USP8: variants seen among roughly 807,000 people sequenced by gnomAD.
USP8 encodes ubiquitin specific peptidase 8.
USP8 carries 27 observed loss-of-function variants against 130.0 expected under a neutral mutation model. That is an observed-to-expected ratio of 0.21 (90% CI 0.15 to 0.29). The LOEUF is 0.29. Among genes scored for constraint, USP8 ranks in the 10% least tolerant of loss-of-function variants. USP8 has a pLI of 1.00. For synonymous variants in USP8, 392 were observed against 444.1 expected (o/e 0.88, Z 1.48); for missense variants, 1,029 against 1,312.2 (o/e 0.78, Z 3.33).
chr15:50,498,877 T>A, intron 19 of USP8, 26 bp from the exon 20 acceptor site: 1 of 1,567,780 alleles, frequency 6.4e-7, no homozygotes, highest in Non-Finnish European at 8.6e-7. Flanking sequence ...CTGAATTGAT[T>A]TTTTTTTCTA....
In USP8 at chr15:50,501,950, TAC is replaced by T. The variant is rs989258269; in HGVS notation, c.*2865_*2866del. 7 of 152,228 alleles carry T rather than the reference TAC, an allele frequency of 4.6e-5. No individual in the cohort carries two copies. The highest frequency in any genetic ancestry group is 8.8e-5 in the Non-Finnish European group (6 of 68,042). The allele number at this position is 152,228 out of a possible 1,614,324, so 9.4% of individuals were successfully genotyped here. ...GGGAACACAGTCATGCTCATTTGTT[TAC>T]ACTTTTCAGTGGCTGCTTTAATGAT... On this transcript the variant is annotated 3_prime_UTR_variant, in exon 20 of 20. Transcript: ENST00000307179.
At chr15:50,475,992 A>G (rs79489702) in intron 8 of USP8, among the ~76,000 whole-genome samples, 3,979 of 151,830 alleles carry the variant, frequency 0.026, 79 homozygotes, top group Non-Finnish European at 0.037. Flanking sequence ...AGCTTAAGCA[A>G]CTCCCTTTCT....
chr15:50,462,386 G>A lies in USP8; in HGVS notation c.541+64G>A, dbSNP rs189197896. The stretch of plus-strand genomic sequence containing the variant: ...GACTGAGATCTTTTAATCAGAATAA[G>A]CATCAGGTTTTATACAATGAGATTC... On this transcript the variant is annotated intron_variant, in intron 6 of 19. Transcript: ENST00000307179. 4.3e-5 allele frequency: 61 copies of A among 1,432,672 alleles called. No individual in the cohort carries two copies. The Middle Eastern group carries it at 9.0e-4, about 21-fold the overall frequency. The allele number at this position is 1,432,672 out of a possible 1,614,324, so 88.7% of individuals were successfully genotyped here.
In USP8 at chr15:50,497,355, A is replaced by G. The variant is rs2052457066; in HGVS notation, c.3038+124A>G. 11 of 1,233,014 alleles carry G rather than the reference A, an allele frequency of 8.9e-6. No homozygotes were observed. The South Asian group carries it at 1.3e-4, about 15-fold the overall frequency. The allele number at this position is 1,233,014 out of a possible 1,614,324, so 76.4% of individuals were successfully genotyped here. A position where few individuals can be genotyped will look rare whatever the true frequency, so the allele number is the denominator to read the frequency against. On this transcript the variant is annotated intron_variant, in intron 18 of 19. Transcript: ENST00000307179. ...TAACAAAGGGCGATTATCTGGTTAC[A>G]GTAGATCTAGGGAAATAAAGCAGAA...
At chr15:50,478,345 A>T (rs552438018) in intron 10 of USP8, among the ~76,000 whole-genome samples, 2 of 152,232 alleles carry the variant, frequency 1.3e-5, no homozygotes, top group African/African-American at 4.8e-5. Context: ...TTATTTAAAG[A>T]AAGGTTAACT....
At chr15:50,455,891 A>G (rs976027786) in intron 4 of USP8, among the ~76,000 whole-genome samples, 4 of 152,154 alleles carry the variant, frequency 2.6e-5, no homozygotes, top group Non-Finnish European at 5.9e-5. Flanking sequence ...GTTCTCTGAG[A>G]TTGGGGTCTT....
At chr15:50,475,075 C>G (rs912455275) in intron 8 of USP8, among the ~76,000 whole-genome samples, 1 of 152,218 alleles carries the variant, frequency 6.6e-6, no homozygotes, top group African/African-American at 2.4e-5. Flanking sequence ...CACCACTTCA[C>G]TCCAGCCTGG....
chr15:50,496,501 C>T (rs1405760483), intron 17 of USP8, among the ~76,000 whole-genome samples: 2 of 141,992 alleles, frequency 1.4e-5, no homozygotes, highest in African/African-American at 2.7e-5. Flanking sequence ...AAAAAAAAAA[C>T]CTTTTATCAG....
rs1431895913 is a variant in USP8 at position 50,501,466 on chromosome 15, CCT to C, written c.*2379_*2380del. 6.6e-6 allele frequency: 1 copy of C among 151,566 alleles called. No individual in the cohort carries two copies. Among genetic ancestry groups the C allele is most frequent in the African/African-American group, 2.4e-5 (1 of 41,240 alleles). The allele number at this position is 151,566 out of a possible 1,614,324, so 9.4% of individuals were successfully genotyped here. ...TCCAGCCTGGGTGACAGAGTGAGAC[CCT>C]GTCTTAAAATTGTAAGTTCATTTAC... On this transcript the variant is annotated 3_prime_UTR_variant, in exon 20 of 20. Coordinates refer to ENST00000307179, the MANE Select transcript of USP8 (RefSeq NM_005154.5).
chr15:50,495,459 G>A (rs2052354297), intron 16 of USP8, among the ~76,000 whole-genome samples: 1 of 144,050 alleles, frequency 6.9e-6, no homozygotes, highest in Non-Finnish European at 1.5e-5. Context: ...AAACTTTTTA[G>A]CTTTTTCTTT....
At position 50,500,658 on chromosome 15, in the gene USP8, A is replaced by C; in HGVS notation, c.*1570A>C. On this transcript the variant is annotated 3_prime_UTR_variant, in exon 20 of 20. Transcript: ENST00000307179. ...GGAAACACCATTTTCCTGGCTCTTA[A>C]CGCTTTTGTATTGGTATGGAAAAGG... 1 of 1,048,322 alleles carries C rather than the reference A, an allele frequency of 9.5e-7. No homozygotes were observed. Among genetic ancestry groups the C allele is most frequent in the East Asian group, 2.6e-5 (1 of 37,868 alleles). 64.9% of individuals were successfully genotyped at this position (1,048,322 alleles called of 1,614,324 possible).
At position 50,441,490 on chromosome 15, in the gene USP8, G is replaced by T. The variant is rs2050258520; in HGVS notation, c.246G>T (p.Gln82His). 6.4e-7 allele frequency: 1 copy of T among 1,559,690 alleles called. No homozygotes were observed. The highest frequency in any genetic ancestry group is 8.6e-7 in the Non-Finnish European group (1 of 1,161,742). The change falls in exon 3 of 20, where the codon CAG (glutamine) becomes CAT (histidine). Residue 82 changes from glutamine to histidine, a missense_variant. This residue lies in a region of USP8 where 281 missense variants were observed against 336.7 expected (regional missense o/e 0.83). Coordinates refer to ENST00000307179, the MANE Select transcript of USP8 (RefSeq NM_005154.5). ...AAAAAAGACCTGATTTCAAGCAACA[G>T]CAGGTACCTTTTATTTTTGCATTGT... ...LIKKRPDFKQQQDYFHSILGP... is the reference protein window; with the variant it reads ...LIKKRPDFKQHQDYFHSILGP...
At position 50,439,125 on chromosome 15, in the gene USP8, A is replaced by G. The variant is rs146265742; in HGVS notation, c.52A>G (p.Lys18Glu). ...AGAACTCTACCTCAGTTCTTCACTA[A>G]AAGACCTTAATAAGAAGACAGAAGT... ...PKELYLSSSL[K>E]DLNKKTEVKP... Residue 18 changes from lysine (K) to glutamate (E), a missense_variant, in exon 2 of 20, where the codon AAA (lysine) becomes GAA (glutamate). Physicochemically the swap from Lys to Glu is moderately conservative, Grantham distance 56 (BLOSUM62 1). Around this residue, in one of 4 missense-constraint regions of USP8, gnomAD observed 281 missense variants for 336.7 expected, o/e 0.83. Transcript: ENST00000307179. 2 of 1,595,328 alleles carry G rather than the reference A, an allele frequency of 1.3e-6. No homozygotes were observed. Among genetic ancestry groups the G allele is most frequent in the African/African-American group, 2.7e-5 (2 of 73,590 alleles).
chr15:50,452,439 C>T (rs2050654424), intron 4 of USP8, among the ~76,000 whole-genome samples: 1 of 152,116 alleles, frequency 6.6e-6, no homozygotes, highest in African/African-American at 2.4e-5. Flanking sequence ...TTTATGGAGA[C>T]TGTAGAACAA....
intron 10 of USP8, among the ~76,000 whole-genome samples, chr15:50,480,430 T>C (rs1282683455): frequency 1.3e-5 from 2 of 152,162 alleles, no homozygotes; most frequent in Non-Finnish European, 2.9e-5. Flanking sequence ...AAATTTTAAA[T>C]AAGTAATTAT....
At chr15:50,496,920 A>G in intron 17 of USP8, 169 bp from the exon 18 acceptor site, 1 of 780,256 alleles carries the variant, frequency 1.3e-6, no homozygotes, top group South Asian at 2.0e-5. Flanking sequence ...GTCATTGTTC[A>G]CTTGTCTATG....
intron 5 of USP8, among the ~76,000 whole-genome samples, chr15:50,460,931 C>T (rs1026967879): frequency 3.3e-5 from 5 of 151,450 alleles, no homozygotes; most frequent in African/African-American, 4.8e-5. Flanking sequence ...CCAAGGTGGG[C>T]AGGTCATTTG....
At chr15:50,480,885 G>A (rs569360174) in intron 10 of USP8, among the ~76,000 whole-genome samples, 1 of 152,248 alleles carries the variant, frequency 6.6e-6, no homozygotes, top group South Asian at 2.1e-4. Flanking sequence ...GGTGAGAGAG[G>A]AGGTTGACAT....
At chr15:50,430,366 G>A (rs1471820890) in intron 1 of USP8, among the ~76,000 whole-genome samples, 1 of 151,994 alleles carries the variant, frequency 6.6e-6, no homozygotes, top group Non-Finnish European at 1.5e-5. Flanking sequence ...AAGAACTAGG[G>A]CTAGTTTATT....
Sources: allele counts gnomAD v4.1 joint callset (sites outside exome capture counted in the v4.1 genomes callset), GRCh38; gene constraint gnomAD v4.1.1; regional missense constraint gnomAD v4.1.1; transcripts MANE v1.5; gene names NCBI Gene and HGNC (gene_info 2026-07-23, HGNC 2026-07-21).